FAM187A: variants seen among roughly 807,000 people sequenced by gnomAD.
FAM187A encodes Ig-like V-type domain-containing protein FAM187A.
In FAM187A, 4 loss-of-function variants were observed where a neutral mutation model predicts 6.4. That is an observed-to-expected ratio of 0.63 (90% CI 0.31 to 1.44). The LOEUF (loss-of-function observed/expected upper bound fraction) is 1.44. FAM187A is among the 40% of genes most tolerant of loss of function. The pLI is 0.07. For missense variants in FAM187A, 463 were observed against 542.2 expected (o/e 0.85, Z 1.45); for synonymous variants, 221 against 213.4 (o/e 1.04, Z -0.31).
exon 4 of FAM187A, chr17:44,905,359 C>A: frequency 2.3e-6 from 1 of 435,804 alleles, no homozygotes; most frequent in Non-Finnish European, 4.3e-6. Flanking sequence ...CAGATTTATC[C>A]AGTGGTAAAC....
chr17:44,904,981 C>G, exon 4 of FAM187A: 1 of 1,550,816 alleles, frequency 6.4e-7, no homozygotes, highest in Non-Finnish European at 8.7e-7. Flanking sequence ...CCCTGATAGG[C>G]TACCTGCTCA....
rs555572310 is a variant in FAM187A at position 44,904,913 on chromosome 17, C to T, written c.1084C>T (p.His362Tyr). The T allele has an allele frequency of 4.0e-5, 62 of 1,550,618 alleles. No homozygotes were observed. The South Asian group carries it at 7.0e-4, about 18-fold the overall frequency. The change falls in exon 4 of 4, where the codon CAT becomes TAT. Residue 362 changes from histidine (H) to tyrosine (Y), a missense_variant. Transcript: ENST00000331733. ...TGGCTTCCGGCTGGGTGTGACATCT[C>T]ATGGGCACTACCCAGCCTCGTTCTC...
rs988078929 is a variant in FAM187A, at chr17:44,904,068, C to T, written c.239C>T (p.Thr80Met). The stretch of plus-strand genomic sequence containing the variant: ...GGTAGCAGCCACACCAAAGTGCTGA[C>T]GGACTTTGATGGGCGGGTGCTGACG... Residue 80 changes from threonine to methionine, a missense_variant, in exon 4 of 4, where the codon ACG becomes ATG. By Grantham distance (81) the Thr-to-Met change is moderately conservative. Coordinates refer to ENST00000331733, the Ensembl canonical transcript of FAM187A. 2.5e-5 allele frequency: 39 copies of T among 1,550,520 alleles called. No individual in the cohort carries two copies. In the African/African-American group the frequency reaches 3.0e-4, roughly 12 times the overall value.
chr17:44,903,950 G>T lies in FAM187A; in HGVS notation c.121G>T (p.Ala41Ser), dbSNP rs1025489740. The T allele has an allele frequency of 5.2e-6, 8 of 1,550,492 alleles. No individual in the cohort carries two copies. In the African/African-American group the frequency reaches 9.6e-5, roughly 19 times the overall value. Residue 41 changes from alanine to serine, a missense_variant, in exon 4 of 4, where the codon GCA (alanine) becomes TCA (serine). By Grantham distance (99) the Ala-to-Ser change is moderately conservative. Coordinates refer to ENST00000331733, the Ensembl canonical transcript of FAM187A. The stretch of plus-strand genomic sequence containing the variant: ...CCCTGCTTTCCTGATGTTTGAAAAT[G>T]CAGCCTACCTGGCCGACATGAGCTT...
rs144369192 is a variant in FAM187A, at chr17:44,903,606, C to T, written c.-224C>T. The T allele has an allele frequency of 0.015, 20,962 of 1,404,960 alleles. 208 individuals carry two copies. The highest frequency in any genetic ancestry group is 0.018 in the Non-Finnish European group (19,424 of 1,086,448). The allele number at this position is 1,404,960 out of a possible 1,614,324, so 87.0% of individuals were successfully genotyped here. A position where few individuals can be genotyped will look rare whatever the true frequency, so the allele number is the denominator to read the frequency against. Reference sequence around the variant, plus strand: ...AGGTTCTAGAATGGCTTTCCCCCCCCACCCTGAGATCAGGTCTGGAATGTT... The same window carrying T: ...AGGTTCTAGAATGGCTTTCCCCCCCTACCCTGAGATCAGGTCTGGAATGTT... On this transcript the variant is annotated 5_prime_UTR_variant, in exon 4 of 4. Coordinates refer to ENST00000331733, the Ensembl canonical transcript of FAM187A.
exon 4 of FAM187A, chr17:44,905,092 G>C (rs1380052140): frequency 6.7e-7 from 1 of 1,498,576 alleles, no homozygotes; most frequent in Middle Eastern, 1.7e-4. Context: ...CAGCTCTGAA[G>C]ACCAGTTGTC....
exon 4 of FAM187A, chr17:44,904,342 C>A: frequency 6.5e-7 from 1 of 1,542,204 alleles, no homozygotes; most frequent in African/African-American, 1.4e-5. Flanking sequence ...TCTTCACCAC[C>A]TTCTGGGAAT....
At chr17:44,904,075 T>C (rs1423207870) in exon 4 of FAM187A, 2 of 1,550,536 alleles carry the variant, frequency 1.3e-6, no homozygotes, top group East Asian at 4.9e-5. Context: ...TGACGGACTT[T>C]GATGGGCGGG....
exon 4 of FAM187A, chr17:44,904,716 A>G: frequency 6.4e-7 from 1 of 1,550,574 alleles, no homozygotes. Flanking sequence ...CGGCCAGAGC[A>G]TGCAGTGGCC....
Position 44,904,354 on chromosome 17 carries a change from G to A in FAM187A, c.525G>A (p.Trp175Ter). 1 of 1,542,802 alleles carries A rather than the reference G, an allele frequency of 6.5e-7. No individual in the cohort carries two copies. Reference sequence around the variant, plus strand: ...ATGTCTTCACCACCTTCTGGGAATGGACCCCCTGTGACCGCTGCGGAGTGC... The same window carrying A: ...ATGTCTTCACCACCTTCTGGGAATGAACCCCCTGTGACCGCTGCGGAGTGC... The change falls in exon 4 of 4, where the codon TGG (tryptophan) becomes TGA (stop). Residue 175 changes from tryptophan to a stop codon, truncating the protein, a stop_gained. Transcript: ENST00000331733. LOFTEE classifies it low-confidence loss of function (END_TRUNC).
At chr17:44,905,235 T>A (rs2051637088) in exon 4 of FAM187A, 3 of 630,140 alleles carry the variant, frequency 4.8e-6, no homozygotes, top group Admixed American at 3.1e-5. Context: ...GGACCTGATC[T>A]GAGAAGTGGA....
exon 4 of FAM187A, chr17:44,904,073 T>C: frequency 1.3e-6 from 2 of 1,550,638 alleles, no homozygotes; most frequent in Non-Finnish European, 1.7e-6. Flanking sequence ...GCTGACGGAC[T>C]TTGATGGGCG....
chr17:44,904,956 C>A lies in FAM187A; in HGVS notation c.1127C>A (p.Ser376Ter). 2 of 1,550,702 alleles carry A rather than the reference C, an allele frequency of 1.3e-6. No individual in the cohort carries two copies. Among genetic ancestry groups the A allele is most frequent in the South Asian group, 1.2e-5 (1 of 84,056 alleles). ...TCGTTCTCAGATCCTGAGACTCGCT[C>A]GGCTGTGGAGCTCACCCTGATAGGC... The change falls in exon 4 of 4, where the codon TCG becomes TAG. Residue 376 changes from serine to a stop codon, truncating the protein, a stop_gained. Coordinates refer to ENST00000331733, the Ensembl canonical transcript of FAM187A. LOFTEE classifies it low-confidence loss of function (END_TRUNC).
chr17:44,904,385 G>A, exon 4 of FAM187A: 1 of 1,542,804 alleles, frequency 6.5e-7, no homozygotes, highest in Non-Finnish European at 8.8e-7. Context: ...AGTGCGTGGG[G>A]AGCAGTGGCG....
exon 4 of FAM187A, chr17:44,904,707 G>C (rs1205118251): frequency 6.4e-7 from 1 of 1,550,552 alleles, no homozygotes; most frequent in African/African-American, 1.4e-5. Flanking sequence ...CCTGGGGCCC[G>C]GCCAGAGCAT....
chr17:44,904,484 G>T (rs1185837148), exon 4 of FAM187A: 1 of 1,548,298 alleles, frequency 6.5e-7, no homozygotes, highest in Non-Finnish European at 8.7e-7. Flanking sequence ...CTCAAGGGCT[G>T]TGCCAAGGAA....
chr17:44,904,808 G>A (rs765244209), exon 4 of FAM187A: 56 of 1,550,540 alleles, frequency 3.6e-5, no homozygotes, highest in Non-Finnish European at 4.3e-5. Context: ...CATTGACCAC[G>A]GCAACCAGCT....
exon 4 of FAM187A, chr17:44,904,688 A>G: frequency 1.3e-6 from 2 of 1,550,512 alleles, no homozygotes; most frequent in South Asian, 1.2e-5. Context: ...TGGACTCATC[A>G]TCTCCTGTCC....
chr17:44,903,700 T>C (rs773459849), exon 4 of FAM187A: 2 of 1,439,492 alleles, frequency 1.4e-6, no homozygotes, highest in South Asian at 3.0e-5. Flanking sequence ...TGCAGATTGT[T>C]GCTGCTTTTC....
Sources: gnomAD v4.1 joint callset for allele counts on GRCh38, gnomAD v4.1.1 for gene constraint, MANE v1.5 for transcripts, NCBI Gene and HGNC (gene_info 2026-07-23, HGNC 2026-07-21) for gene names.